CNTN6: variants seen among roughly 807,000 people sequenced by gnomAD.
The protein encoded by CNTN6 is contactin 6, also known as contactin-6.
Under a neutral mutation model 122.8 loss-of-function variants are expected in CNTN6, and 137 were observed. The ratio of observed to expected loss-of-function variants is 1.12; its 90% CI spans 0.97 to 1.29. The LOEUF (loss-of-function observed/expected upper bound fraction) is 1.29, where lower values mean the gene tolerates loss of function less well. Ranked by LOEUF, CNTN6 falls within the 50% of genes most tolerant of loss-of-function variation. CNTN6 has a pLI of 0.00. For missense variants in CNTN6, 1,634 were observed against 1,223.4 expected (o/e 1.34, Z -5.01); for synonymous variants, 570 against 426.0 (o/e 1.34, Z -4.16).
At chr3:1,297,696 A>C (rs1391842086) in intron 6 of CNTN6, among the ~76,000 whole-genome samples, 193 bp from the exon 7 acceptor site, 1 of 151,124 alleles carries the variant, frequency 6.6e-6, no homozygotes. Context: ...AAGGTAGATA[A>C]ATGTGGATGT....
intron 10 of CNTN6, among the ~76,000 whole-genome samples, chr3:1,329,084 T>C (rs559289251): frequency 1.6e-4 from 24 of 151,462 alleles, no homozygotes; most frequent in African/African-American, 5.3e-4. Flanking sequence ...CACATATATA[T>C]GTATATATGT....
intron 11 of CNTN6, among the ~76,000 whole-genome samples, chr3:1,345,577 A>G (rs1169399443): frequency 6.6e-6 from 1 of 152,208 alleles, no homozygotes; most frequent in Non-Finnish European, 1.5e-5. Context: ...ATTAAATGAC[A>G]GTGACATTAG....
At chr3:1,387,326 A>G (rs546080523) in intron 20 of CNTN6, among the ~76,000 whole-genome samples, 17 of 152,180 alleles carry the variant, frequency 1.1e-4, no homozygotes, top group African/African-American at 3.9e-4. Flanking sequence ...TTAGTTAACA[A>G]TGAAGTTCTA....
At chr3:1,313,637 A>G (rs1699703648) in intron 7 of CNTN6, among the ~76,000 whole-genome samples, 1 of 152,070 alleles carries the variant, frequency 6.6e-6, no homozygotes, top group African/African-American at 2.4e-5. Context: ...GCTATTATAA[A>G]CAAACCATTT....
chr3:1,400,481 C>T (rs1378880196), intron 20 of CNTN6, among the ~76,000 whole-genome samples: 1 of 143,130 alleles, frequency 7.0e-6, no homozygotes, highest in Non-Finnish European at 1.6e-5. Flanking sequence ...CCATCTCTCA[C>T]GCAGACAACA....
At chr3:1,189,125 T>C (rs552011565) in intron 2 of CNTN6, among the ~76,000 whole-genome samples, 1 of 152,320 alleles carries the variant, frequency 6.6e-6, no homozygotes, top group African/African-American at 2.4e-5. Context: ...GTAGCTAGAA[T>C]TGATACAGTA....
chr3:1,121,337 A>T (rs1339850791), intron 1 of CNTN6, among the ~76,000 whole-genome samples: 5 of 151,946 alleles, frequency 3.3e-5, no homozygotes, highest in African/African-American at 9.7e-5. Context: ...TCTCTTATTT[A>T]TAAAAAAGCA....
At chr3:1,257,141 T>C (rs2094772469) in intron 4 of CNTN6, among the ~76,000 whole-genome samples, 1 of 152,178 alleles carries the variant, frequency 6.6e-6, no homozygotes, top group South Asian at 2.1e-4. Context: ...CAAACTTTTC[T>C]TATCTGTTTA....
intron 4 of CNTN6, among the ~76,000 whole-genome samples, chr3:1,237,479 G>A (rs1383671911): frequency 6.6e-6 from 1 of 152,172 alleles, no homozygotes; most frequent in Non-Finnish European, 1.5e-5. Context: ...ATATGTCTGA[G>A]AGAATAATCC....
chr3:1,113,994 G>C (rs2171765), intron 1 of CNTN6, among the ~76,000 whole-genome samples: 1 of 152,124 alleles, frequency 6.6e-6, no homozygotes, highest in Non-Finnish European at 1.5e-5. Context: ...AGAGATTTTC[G>C]TGCACAGAGG....
At chr3:1,101,750 A>G (rs2090909434) in intron 1 of CNTN6, among the ~76,000 whole-genome samples, 1 of 152,234 alleles carries the variant, frequency 6.6e-6, no homozygotes, top group Non-Finnish European at 1.5e-5. Flanking sequence ...TTTTAGTCCA[A>G]TGACAGAATA....
chr3:1,374,045 A>G lies in CNTN6; in HGVS notation c.2067A>G (p.Pro689=), dbSNP rs546072732. ...NSIGIGEPSE[P]SELLRTKASV... Reference sequence around the variant, plus strand: ...TTGGGATTGGAGAACCAAGTGAACCATCAGAATTGTTAAGAACTAAAGCAT... The same window carrying G: ...TTGGGATTGGAGAACCAAGTGAACCGTCAGAATTGTTAAGAACTAAAGCAT... Residue 689 remains proline (P), a synonymous_variant, in exon 16 of 23, where the codon CCA becomes CCG. Coordinates refer to ENST00000446702, the MANE Select transcript of CNTN6 (RefSeq NM_001289080.2). 4 of 1,612,916 alleles carry G rather than the reference A, an allele frequency of 2.5e-6. No individual in the cohort carries two copies. The highest frequency in any genetic ancestry group is 1.1e-5 in the South Asian group (1 of 91,038).
chr3:1,100,720 T>A (rs1349591874), intron 1 of CNTN6, among the ~76,000 whole-genome samples: 1 of 152,136 alleles, frequency 6.6e-6, no homozygotes, highest in Non-Finnish European at 1.5e-5. Context: ...TATTTTATAC[T>A]TTTATTTTTT....
intron 11 of CNTN6, among the ~76,000 whole-genome samples, chr3:1,347,339 G>T (rs116010530): frequency 0.012 from 1,805 of 152,188 alleles, 24 homozygotes; most frequent in Middle Eastern, 0.044. Context: ...ATTGAGGTTT[G>T]GTAATTTGGG....
chr3:1,381,148 A>G (rs1691811880), intron 17 of CNTN6, among the ~76,000 whole-genome samples: 1 of 152,214 alleles, frequency 6.6e-6, no homozygotes, highest in South Asian at 2.1e-4. Flanking sequence ...CTATTTATGT[A>G]GATGAACTGA....
chr3:1,208,826 G>A (rs2093993962), intron 2 of CNTN6, among the ~76,000 whole-genome samples: 2 of 152,068 alleles, frequency 1.3e-5, no homozygotes, highest in South Asian at 4.1e-4. Flanking sequence ...TTGATTCCTG[G>A]CACTTACTAT....
intron 11 of CNTN6, among the ~76,000 whole-genome samples, chr3:1,345,321 G>A (rs1704517617): frequency 6.6e-6 from 1 of 151,736 alleles, no homozygotes; most frequent in Non-Finnish European, 1.5e-5. Flanking sequence ...TCACCATATT[G>A]GCCAGTCTGG....
chr3:1,240,160 G>A (rs879879309), intron 4 of CNTN6, among the ~76,000 whole-genome samples: 2 of 152,022 alleles, frequency 1.3e-5, no homozygotes, highest in Non-Finnish European at 2.9e-5. Context: ...CAAAAACAAA[G>A]ATAAATACAT....
intron 11 of CNTN6, among the ~76,000 whole-genome samples, chr3:1,351,609 C>G (rs1413075916): frequency 3.4e-5 from 5 of 148,910 alleles, no homozygotes; most frequent in Non-Finnish European, 7.4e-5. Flanking sequence ...GCTAGAGTTT[C>G]AGAGAAAATT....
Sources: gnomAD v4.1 joint callset for allele counts (sites outside exome capture counted in the v4.1 genomes callset) on GRCh38, gnomAD v4.1.1 for gene constraint, MANE v1.5 for transcripts, NCBI Gene and HGNC (gene_info 2026-07-23, HGNC 2026-07-21) for gene names.